Variants in IQCM observed in about 807,000 individuals in gnomAD.
IQCM encodes IQ domain-containing protein M.
IQCM carries 45 observed loss-of-function variants against 57.6 expected under a neutral mutation model. That is an observed-to-expected ratio of 0.78 (90% CI 0.62 to 1.00). The LOEUF (loss-of-function observed/expected upper bound fraction) is 1.00. Ranked by LOEUF, IQCM falls within the 50% of genes least tolerant of loss-of-function variation. IQCM has a pLI of 0.00. For synonymous variants in IQCM, 148 were observed against 158.9 expected (o/e 0.93, Z 0.51); for missense variants, 468 against 511.6 (o/e 0.91, Z 0.82).
chr4:149,809,959 C>T (rs1466099990), intron 2 of IQCM, among the ~76,000 whole-genome samples: 2 of 152,038 alleles, frequency 1.3e-5, no homozygotes, highest in East Asian at 1.9e-4. Flanking sequence ...TAATAAATAC[C>T]GAGTGTCTGA....
At chr4:149,353,913 A>G (rs986850109) in intron 13 of IQCM, among the ~76,000 whole-genome samples, 3 of 152,156 alleles carry the variant, frequency 2.0e-5, no homozygotes, top group African/African-American at 7.2e-5. Flanking sequence ...GATTCCCACT[A>G]AAGATTTCAG....
intron 2 of IQCM, among the ~76,000 whole-genome samples, chr4:149,762,403 G>C (rs183318018): frequency 3.3e-5 from 5 of 151,760 alleles, no homozygotes; most frequent in African/African-American, 1.2e-4. Flanking sequence ...CTTTAAAATT[G>C]TATCTAAAAG....
At position 149,814,024 on chromosome 4, in the gene IQCM, T is replaced by C. The variant is rs547009284; in HGVS notation, c.-49+1287A>G. Reference sequence around the variant, plus strand: ...CTTCATGAAGAAAGTATCTGAATGATAGGAAGCAGTTGAAACAAATCTTCT... The same window carrying C: ...CTTCATGAAGAAAGTATCTGAATGACAGGAAGCAGTTGAAACAAATCTTCT... On this transcript the variant is annotated intron_variant, in intron 2 of 13. Coordinates refer to ENST00000636793, the MANE Select transcript of IQCM (RefSeq NM_001363507.2). Among the ~76,000 whole-genome samples, 6 of 152,072 alleles carry C rather than the reference T, an allele frequency of 3.9e-5. No homozygotes were observed. In the South Asian group the frequency reaches 1.2e-3, roughly 31 times the overall value.
chr4:149,470,778 A>G (rs543300120), intron 12 of IQCM, among the ~76,000 whole-genome samples: 1 of 152,316 alleles, frequency 6.6e-6, no homozygotes, highest in East Asian at 1.9e-4. Context: ...CTCTCAGACC[A>G]CAGTGCAATC....
At chr4:149,506,288 C>T (rs1313830478) in intron 12 of IQCM, among the ~76,000 whole-genome samples, 1 of 152,210 alleles carries the variant, frequency 6.6e-6, no homozygotes, top group African/African-American at 2.4e-5. Flanking sequence ...CTAACTAGTC[C>T]TTCATCTACC....
chr4:149,707,707 T>C (rs1010524664), intron 5 of IQCM, among the ~76,000 whole-genome samples: 2 of 151,964 alleles, frequency 1.3e-5, no homozygotes, highest in Non-Finnish European at 1.5e-5. Flanking sequence ...TCAGCCTACA[T>C]GTTGTACTAT....
At chr4:149,752,612 G>A (rs973974076) in intron 2 of IQCM, among the ~76,000 whole-genome samples, 2 of 151,908 alleles carry the variant, frequency 1.3e-5, no homozygotes, top group African/African-American at 4.8e-5. Context: ...CATTAATAGG[G>A]TAGGGATGTA....
intron 13 of IQCM, among the ~76,000 whole-genome samples, chr4:149,405,420 G>A (rs1732909326): frequency 6.6e-6 from 1 of 151,770 alleles, no homozygotes; most frequent in Admixed American, 6.6e-5. Context: ...GGGATGGGGG[G>A]CTGGGGGAGG....
chr4:149,812,852 G>C (rs993496281), intron 2 of IQCM, among the ~76,000 whole-genome samples: 6 of 152,000 alleles, frequency 3.9e-5, no homozygotes, highest in African/African-American at 1.4e-4. Context: ...CTACACCCAG[G>C]TGACAATGCA....
chr4:149,425,452 A>G (rs1356492077), intron 13 of IQCM, among the ~76,000 whole-genome samples: 7 of 151,992 alleles, frequency 4.6e-5, no homozygotes, highest in Admixed American at 4.6e-4. Context: ...CCAAAGGACT[A>G]GGATCTTGGG....
At position 149,588,013 on chromosome 4, in the gene IQCM, G is replaced by C; in HGVS notation, c.682-16C>G. On this transcript the variant is annotated splice_polypyrimidine_tract_variant and intron_variant, in intron 8 of 13. Transcript: ENST00000636793. ...TAAAGGTTTTCTATAATAAGGAAAA[G>C]AAGAGTTGACATAAGTAGAAAAACA... 8.7e-7 allele frequency: 1 copy of C among 1,155,966 alleles called. No individual in the cohort carries two copies. The highest frequency in any genetic ancestry group is 1.1e-6 in the Non-Finnish European group (1 of 919,498). The allele number at this position is 1,155,966 out of a possible 1,614,324, so 71.6% of individuals were successfully genotyped here.
At chr4:149,725,512 C>T (rs552139489) in intron 5 of IQCM, among the ~76,000 whole-genome samples, 2 of 152,120 alleles carry the variant, frequency 1.3e-5, no homozygotes, top group Non-Finnish European at 2.9e-5. Context: ...TCTAGTGAGG[C>T]ACATGCAAAG....
At chr4:149,769,335 A>C (rs1770349110) in intron 2 of IQCM, among the ~76,000 whole-genome samples, 1 of 151,994 alleles carries the variant, frequency 6.6e-6, no homozygotes, top group Non-Finnish European at 1.5e-5. Context: ...AGGAATTGCT[A>C]ACTCAAATTG....
chr4:149,666,810 A>C (rs2150167122), intron 7 of IQCM, among the ~76,000 whole-genome samples: 1 of 152,186 alleles, frequency 6.6e-6, no homozygotes, highest in Admixed American at 6.5e-5. Flanking sequence ...AAAGCTGCCC[A>C]GAAATTCAGA....
chr4:149,388,510 T>A (rs980661399), intron 13 of IQCM, among the ~76,000 whole-genome samples: 3 of 142,154 alleles, frequency 2.1e-5, no homozygotes, highest in Non-Finnish European at 4.6e-5. Context: ...ATATATATAT[T>A]ATACATATAT....
At chr4:149,750,096 T>C (rs1768289431) in intron 2 of IQCM, among the ~76,000 whole-genome samples, 1 of 152,240 alleles carries the variant, frequency 6.6e-6, no homozygotes, top group South Asian at 2.1e-4. Context: ...TAACCTCTCA[T>C]GAATTTTTGT....
At chr4:149,520,076 T>C (rs1745460312) in intron 12 of IQCM, among the ~76,000 whole-genome samples, 1 of 152,190 alleles carries the variant, frequency 6.6e-6, no homozygotes, top group Admixed American at 6.5e-5. Context: ...GTACAATCGG[T>C]TAAGAATGCC....
At chr4:149,612,730 ATATC>A (rs1401222202) in intron 8 of IQCM, among the ~76,000 whole-genome samples, 4 of 152,122 alleles carry the variant, frequency 2.6e-5, no homozygotes, top group African/African-American at 7.2e-5. Context: ...TTCAAAGTAA[ATATC>A]TATGTCATTT....
intron 13 of IQCM, among the ~76,000 whole-genome samples, chr4:149,361,796 G>A (rs1244695062): frequency 6.6e-6 from 1 of 152,200 alleles, no homozygotes; most frequent in Non-Finnish European, 1.5e-5. Flanking sequence ...TGGGGTTAGA[G>A]CCCCCACACA....
Sources: allele counts gnomAD v4.1 joint callset (sites outside exome capture counted in the v4.1 genomes callset), GRCh38; gene constraint gnomAD v4.1.1; transcripts MANE v1.5; gene names NCBI Gene and HGNC (gene_info 2026-07-23, HGNC 2026-07-21).